Variants in SPEF2 observed in about 807,000 individuals in gnomAD.
SPEF2 encodes the protein sperm flagellar and cilia associated 2, also known as sperm flagella and cilia-associated protein 2.
In SPEF2, 187 loss-of-function variants were observed where a neutral mutation model predicts 224.6. The observed-to-expected ratio is 0.83, with a 90% CI of 0.74 to 0.94. The LOEUF (loss-of-function observed/expected upper bound fraction) is 0.94, where lower values mean the gene tolerates loss of function less well. SPEF2 is among the 40% of genes least tolerant of loss of function. SPEF2 has a pLI of 0.00. For missense variants in SPEF2, 2,170 were observed against 2,135.6 expected (o/e 1.02, Z -0.32); for synonymous variants, 715 against 707.3 (o/e 1.01, Z -0.17).
rs1749505295 is a variant in SPEF2 at position 35,751,069 on chromosome 5, A to ATATATATATACGTATATATATACG, written c.3331-2544_3331-2543insGTATATATATACGTATATATATAC. On this transcript the variant is annotated intron_variant, in intron 23 of 36. Coordinates refer to ENST00000356031, the MANE Select transcript of SPEF2 (RefSeq NM_024867.4). Reference sequence around the variant, plus strand: ...TATATATATATACGTATATATATGTATATATATATACACACACACACACAC... The same window carrying ATATATATATACGTATATATATACG: ...TATATATATATACGTATATATATGTATATATATATACGTATATATATACGTATATATATACACACACACACACAC... Among the ~76,000 whole-genome samples the ATATATATATACGTATATATATACG allele has an allele frequency of 3.0e-4, 14 of 47,356 alleles. 2 individuals are homozygous for ATATATATATACGTATATATATACG. Among genetic ancestry groups the ATATATATATACGTATATATATACG allele is most frequent in the African/African-American group, 7.3e-4 (10 of 13,654 alleles). The allele number at this position is 47,356 out of a possible 152,430, so 31.1% of individuals were successfully genotyped here.
chr5:35,803,954 C>T (rs1194354676), intron 34 of SPEF2, among the ~76,000 whole-genome samples: 1 of 152,186 alleles, frequency 6.6e-6, no homozygotes, highest in East Asian at 1.9e-4. Context: ...CAGTAATGCC[C>T]TAGTCTAGGT....
In SPEF2 at chr5:35,759,005, CAAAAAAA is replaced by C. The variant is rs57893412; in HGVS notation, c.3469-547_3469-541del. Among the ~76,000 whole-genome samples, 68 of 51,354 alleles carry C rather than the reference CAAAAAAA, an allele frequency of 1.3e-3. 1 individual carries two copies. The highest frequency in any genetic ancestry group is 6.9e-4 in the Admixed American group (2 of 2,884). 33.7% of individuals were successfully genotyped at this position (51,354 alleles called of 152,430 possible). On this transcript the variant is annotated intron_variant, in intron 24 of 36. Coordinates refer to ENST00000356031, the MANE Select transcript of SPEF2 (RefSeq NM_024867.4). ...TGGGTGATAGAGCAAGACTCTGTCT[CAAAAAAA>C]AAAAAAAAAAAAAAAGTAAAGGAAA...
intron 17 of SPEF2, 67 bp downstream of exon 17, chr5:35,704,729 G>A: frequency 2.2e-6 from 2 of 915,492 alleles, no homozygotes; most frequent in Admixed American, 1.9e-5. Flanking sequence ...AACAACTTTG[G>A]AATCATCAGA....
chr5:35,796,561 G>A (rs1321398768), intron 33 of SPEF2, among the ~76,000 whole-genome samples: 2 of 150,228 alleles, frequency 1.3e-5, no homozygotes, highest in Non-Finnish European at 2.9e-5. Flanking sequence ...GCAGTGAGCC[G>A]AGATAGCGCC....
At chr5:35,799,203 A>G (rs1757087519) in intron 33 of SPEF2, among the ~76,000 whole-genome samples, 1 of 152,208 alleles carries the variant, frequency 6.6e-6, no homozygotes, top group Admixed American at 6.5e-5. Flanking sequence ...TCATAAATAT[A>G]CATTTGAGAA....
At chr5:35,764,995 T>C (rs149285483) in intron 26 of SPEF2, among the ~76,000 whole-genome samples, 4 of 152,268 alleles carry the variant, frequency 2.6e-5, no homozygotes, top group African/African-American at 9.6e-5. Flanking sequence ...ATGGCACCAC[T>C]ACCTGGAGAG....
chr5:35,771,657 CAG>C lies in SPEF2; in HGVS notation c.3851_3852del (p.Gln1284ProfsTer15). ...QRLMEEEKEN[Q>X]PADPKEKSPQ... Reference sequence around the variant, plus strand: ...GCTTATGGAAGAAGAAAAAGAAAACCAGCCAGCAGACCCCAAAGAAAAATCTC... The same window carrying C: ...GCTTATGGAAGAAGAAAAAGAAAACCCCAGCAGACCCCAAAGAAAAATCTC... On this transcript the variant is annotated frameshift_variant, in exon 27 of 37. Coordinates refer to ENST00000356031, the MANE Select transcript of SPEF2 (RefSeq NM_024867.4). LOFTEE classifies it high-confidence loss of function. 3 of 1,611,242 alleles carry C rather than the reference CAG, an allele frequency of 1.9e-6. No homozygotes were observed. The highest frequency in any genetic ancestry group is 2.5e-6 in the Non-Finnish European group (3 of 1,179,196).
chr5:35,752,042 G>T (rs1419146782), intron 23 of SPEF2, among the ~76,000 whole-genome samples: 1 of 152,132 alleles, frequency 6.6e-6, no homozygotes, highest in African/African-American at 2.4e-5. Flanking sequence ...TAAGAAGTAC[G>T]CAGCCTACAT....
chr5:35,650,536 C>T (rs1392897699), intron 6 of SPEF2, among the ~76,000 whole-genome samples: 1 of 152,146 alleles, frequency 6.6e-6, no homozygotes, highest in Admixed American at 6.5e-5. Context: ...CCAGAAAGAC[C>T]ATCTTAAACT....
chr5:35,691,339 C>T (rs1388446793), intron 11 of SPEF2, 83 bp downstream of exon 11: 1 of 1,100,718 alleles, frequency 9.1e-7, no homozygotes, highest in African/African-American at 1.6e-5. Context: ...GTATAAAAAA[C>T]ATACAAGAAG....
chr5:35,748,569 C>G lies in SPEF2; in HGVS notation c.3331-5055C>G, dbSNP rs544358206. ...CCTTTACACACATAAACCTGAAAAC[C>G]TAGAAGAGTTGGATATATTCCTGGA... On this transcript the variant is annotated intron_variant, in intron 23 of 36. Transcript: ENST00000356031. 6.6e-5 allele frequency among the ~76,000 whole-genome samples: 10 copies of G among 152,200 alleles called. No homozygotes were observed. In the South Asian group the frequency reaches 1.9e-3, roughly 28 times the overall value.
At position 35,618,977 on chromosome 5, in the gene SPEF2, G is replaced by A. The variant is rs374952289; in HGVS notation, c.58+922G>A. Among the ~76,000 whole-genome samples the A allele has an allele frequency of 9.9e-5, 15 of 152,228 alleles. No individual in the cohort carries two copies. The East Asian group carries it at 2.9e-3, about 29-fold the overall frequency. The stretch of plus-strand genomic sequence containing the variant: ...ACCAGCTTGCTACCAGAGAGGCAGT[G>A]GTGCCAGTTCAACCTTAGCTTATCT... On this transcript the variant is annotated intron_variant, in intron 1 of 36. Transcript: ENST00000356031.
At chr5:35,632,211 T>C (rs1745233981) in intron 2 of SPEF2, among the ~76,000 whole-genome samples, 1 of 152,184 alleles carries the variant, frequency 6.6e-6, no homozygotes, top group East Asian at 1.9e-4. Flanking sequence ...CTGCTATAAA[T>C]ATATACCCGA....
chr5:35,774,183 C>T (rs181878167), intron 28 of SPEF2, among the ~76,000 whole-genome samples, 162 bp downstream of exon 28: 1 of 152,216 alleles, frequency 6.6e-6, no homozygotes, highest in African/African-American at 2.4e-5. Flanking sequence ...CGTTTGACCA[C>T]GTGAGGACTA....
At chr5:35,790,251 A>T in intron 30 of SPEF2, 2 of 653,218 alleles carry the variant, frequency 3.1e-6, no homozygotes, top group Non-Finnish European at 2.8e-6. Context: ...TTCTCCAGAC[A>T]TTAATAATTT....
intron 2 of SPEF2, among the ~76,000 whole-genome samples, chr5:35,636,005 G>A (rs1283051550): frequency 2.0e-5 from 3 of 151,600 alleles, no homozygotes; most frequent in Non-Finnish European, 4.4e-5. Context: ...TGTTTCTTTG[G>A]GTGTCTCATA....
At chr5:35,681,854 C>A (rs939033302) in intron 10 of SPEF2, among the ~76,000 whole-genome samples, 1 of 152,038 alleles carries the variant, frequency 6.6e-6, no homozygotes, top group African/African-American at 2.4e-5. Context: ...CCAAGAGAAG[C>A]CAGAGAGCTT....
chr5:35,800,195 C>G (rs1409139529), intron 34 of SPEF2, 48 bp downstream of exon 34: 1 of 1,576,844 alleles, frequency 6.3e-7, no homozygotes, highest in Admixed American at 1.8e-5. Flanking sequence ...AGAGGGGATG[C>G]CTGAAGATCC....
rs766996602 is a variant in SPEF2, at chr5:35,691,138, ATC to A, written c.1630_1631del (p.Leu544SerfsTer10). ...GHILHRLAEK[S>X]LPPRAESTTP... ...ATATTCTTCACAGGCTAGCTGAAAA[ATC>A]TCTTCCTCCTCGAGCGGAATCAACA... On this transcript the variant is annotated frameshift_variant, in exon 11 of 37. Transcript: ENST00000356031. LOFTEE classifies it high-confidence loss of function. 1 of 1,614,022 alleles carries A rather than the reference ATC, an allele frequency of 6.2e-7. No individual in the cohort carries two copies. Among genetic ancestry groups the A allele is most frequent in the South Asian group, 1.1e-5 (1 of 91,078 alleles).
Sources: allele counts gnomAD v4.1 joint callset (sites outside exome capture counted in the v4.1 genomes callset), GRCh38; gene constraint gnomAD v4.1.1; transcripts MANE v1.5; gene names NCBI Gene and HGNC (gene_info 2026-07-23, HGNC 2026-07-21).